The following LCAT variants were observed in gnomAD, a reference collection of about 807,000 sequenced individuals.
LCAT encodes the protein lecithin-cholesterol acyltransferase, also known as phosphatidylcholine-sterol acyltransferase.
In LCAT, 15 loss-of-function variants were observed where a neutral mutation model predicts 41.0. The observed-to-expected ratio is 0.37, with a 90% CI of 0.24 to 0.56. LCAT has a LOEUF of 0.56. LCAT is among the 20% of genes least tolerant of loss of function. LCAT has a pLI of 0.81. For synonymous variants in LCAT, 248 were observed against 245.4 expected (o/e 1.01, Z -0.10); for missense variants, 449 against 595.1 (o/e 0.75, Z 2.55).
rs1014967461 is a variant in LCAT, at chr16:67,943,196, C to G, written c.171G>C (p.Gly57=). 8 of 1,613,304 alleles carry G rather than the reference C, an allele frequency of 5.0e-6. No homozygotes were observed. The highest frequency in any genetic ancestry group is 6.8e-6 in the Non-Finnish European group (8 of 1,179,948). Reference sequence around the variant, plus strand: ...TGTCCAGCTTGGCTTCTAGCTGATTCCCCAGGCAGCCGGGCACTGTGAGCA... The same window carrying G: ...TGTCCAGCTTGGCTTCTAGCTGATTGCCCAGGCAGCCGGGCACTGTGAGCA... The part of the protein sequence containing the change: ...RPVILVPGCL[G]NQLEAKLDKP... Residue 57 remains glycine, a synonymous_variant, in exon 2 of 6, where the codon GGG becomes GGC. Coordinates refer to ENST00000264005, the MANE Select transcript of LCAT (RefSeq NM_000229.2). The surrounding 1 kb of genome is among the most constrained non-coding windows in gnomAD (Gnocchi z 4.6).
At chr16:67,941,658 TG>T (rs1373487686) in intron 5 of LCAT, 18 of 980,932 alleles carry the variant, frequency 1.8e-5, no homozygotes, top group Non-Finnish European at 2.1e-5. Context: ...AGGACCAGGG[TG>T]TGTGGGGATG....
At position 67,943,877 on chromosome 16, in the gene LCAT, A is replaced by C; in HGVS notation, c.154+71T>G. The C allele has an allele frequency of 7.1e-7, 1 of 1,413,642 alleles. No individual in the cohort carries two copies. Among genetic ancestry groups the C allele is most frequent in the Non-Finnish European group, 9.6e-7 (1 of 1,046,464 alleles). 87.6% of individuals were successfully genotyped at this position (1,413,642 alleles called of 1,614,324 possible). ...AGGGCAGAAGGGCTTTGGCCAGGTC[A>C]GCTGCCAGGGGCTGGGGCCCAGGCT... On this transcript the variant is annotated intron_variant, in intron 1 of 5. Coordinates refer to ENST00000264005, the MANE Select transcript of LCAT (RefSeq NM_000229.2). The surrounding 1 kb of genome is among the most constrained non-coding windows in gnomAD (Gnocchi z 4.6).
In LCAT at chr16:67,943,724, C is replaced by A. The variant is rs549941664; in HGVS notation, c.154+224G>T. ...AAGACCTCAGGCACACCCCGTCCCCCACTCCGCCCCCCCTGGGTTAGACAA... is the reference window on the plus strand; with the variant it reads ...AAGACCTCAGGCACACCCCGTCCCCAACTCCGCCCCCCCTGGGTTAGACAA... On this transcript the variant is annotated intron_variant, in intron 1 of 5. Transcript: ENST00000264005. This position sits in a 1 kb window ranked among gnomAD's most constrained non-coding sequence, Gnocchi z 4.6. 8.7e-6 allele frequency: 5 copies of A among 572,820 alleles called. No individual in the cohort carries two copies. In the Admixed American group the frequency reaches 1.3e-4, roughly 15 times the overall value. 35.5% of individuals were successfully genotyped at this position (572,820 alleles called of 1,614,324 possible).
In LCAT at chr16:67,943,362, C is replaced by T; in HGVS notation, c.155-150G>A. The stretch of plus-strand genomic sequence containing the variant: ...GCACACTTACCCTCCCCTGCTTACA[C>T]CCCCTCTCCCTGCTGTCCCCCCAGT... On this transcript the variant is annotated intron_variant, in intron 1 of 5. Coordinates refer to ENST00000264005, the MANE Select transcript of LCAT (RefSeq NM_000229.2). This position sits in a 1 kb window ranked among gnomAD's most constrained non-coding sequence, Gnocchi z 4.6. The T allele has an allele frequency of 1.4e-6, 1 of 725,266 alleles. No individual in the cohort carries two copies. The highest frequency in any genetic ancestry group is 2.1e-5 in the Admixed American group (1 of 48,594). The allele number at this position is 725,266 out of a possible 1,614,324, so 44.9% of individuals were successfully genotyped here.
Position 67,942,030 on chromosome 16 carries a change from G to C in LCAT, c.748+333C>G. On this transcript the variant is annotated intron_variant, in intron 5 of 5. Transcript: ENST00000264005. The surrounding 1 kb of genome is among the most constrained non-coding windows in gnomAD (Gnocchi z 6.6). ...CCATCCTCAGTGAAGCACATCCCTG[G>C]GCAAAGGCACTCCTGCGAGCAAGTG... The C allele has an allele frequency of 8.1e-7, 1 of 1,240,950 alleles. No individual in the cohort carries two copies. The allele number at this position is 1,240,950 out of a possible 1,614,324, so 76.9% of individuals were successfully genotyped here.
At chr16:67,941,072 G>A (rs1229531106) in intron 5 of LCAT, among the ~76,000 whole-genome samples, 1 of 152,188 alleles carries the variant, frequency 6.6e-6, no homozygotes, top group African/African-American at 2.4e-5. Flanking sequence ...GGGAGGCCGA[G>A]GCAGGCAGAT....
At chr16:67,940,710 A>T (rs1598202813) in intron 5 of LCAT, 2 of 673,396 alleles carry the variant, frequency 3.0e-6, no homozygotes, top group East Asian at 6.3e-5. Flanking sequence ...CTTCAAAAGG[A>T]TGGCAGGGAC....
Position 67,943,837 on chromosome 16 carries a change from T to C in LCAT, c.154+111A>G, listed in dbSNP as rs2058310341. ...CTCCCCACACCAGGGCAGGTACTTA[T>C]GTCGGGGCTTATGCAGGGCAGAAGG... On this transcript the variant is annotated intron_variant, in intron 1 of 5. Coordinates refer to ENST00000264005, the MANE Select transcript of LCAT (RefSeq NM_000229.2). This position sits in a 1 kb window ranked among gnomAD's most constrained non-coding sequence, Gnocchi z 4.6. The C allele has an allele frequency of 1.2e-5, 12 of 1,042,748 alleles. No homozygotes were observed. In the Middle Eastern group the frequency reaches 9.5e-4, roughly 83 times the overall value. 64.6% of individuals were successfully genotyped at this position (1,042,748 alleles called of 1,614,324 possible).
chr16:67,941,926 G>C (rs1191843588), intron 5 of LCAT: 1 of 1,160,562 alleles, frequency 8.6e-7, no homozygotes. Context: ...TGGTAGCTGT[G>C]TCAGTGCTGG....
At position 67,943,701 on chromosome 16, in the gene LCAT, G is replaced by C. The variant is rs1392748459; in HGVS notation, c.154+247C>G. 1.8e-6 allele frequency: 1 copy of C among 553,710 alleles called. No homozygotes were observed. Among genetic ancestry groups the C allele is most frequent in the African/African-American group, 1.9e-5 (1 of 53,130 alleles). 34.3% of individuals were successfully genotyped at this position (553,710 alleles called of 1,614,324 possible). The stretch of plus-strand genomic sequence containing the variant: ...CCACAGCTTGTGATGCCCCAGCCAA[G>C]ACCTCAGGCACACCCCGTCCCCCAC... On this transcript the variant is annotated intron_variant, in intron 1 of 5. Transcript: ENST00000264005. This position sits in a 1 kb window ranked among gnomAD's most constrained non-coding sequence, Gnocchi z 4.6.
At chr16:67,940,735 A>T (rs1297939323) in intron 5 of LCAT, 1 of 539,540 alleles carries the variant, frequency 1.9e-6, no homozygotes, top group African/African-American at 2.0e-5. Flanking sequence ...ACCATGGCTC[A>T]CCCCTGTAAT....
chr16:67,942,860 C>G lies in LCAT; in HGVS notation c.427+1G>C. ...CCCCAGCCCTGCCCTCTGACACAAA[C>G]CTGCCAGCTTGCTGCTGTCCAGGTA... On this transcript the variant is annotated splice_donor_variant, in intron 3 of 5. Coordinates refer to ENST00000264005, the MANE Select transcript of LCAT (RefSeq NM_000229.2). LOFTEE classifies it high-confidence loss of function. The surrounding 1 kb of genome is among the most constrained non-coding windows in gnomAD (Gnocchi z 6.6). The G allele has an allele frequency of 6.2e-7, 1 of 1,613,596 alleles. No homozygotes were observed. Among genetic ancestry groups the G allele is most frequent in the Non-Finnish European group, 8.5e-7 (1 of 1,179,960 alleles).
Position 67,939,937 on chromosome 16 carries a change from C to CG in LCAT, c.1289dup (p.Thr431AspfsTer10). On this transcript the variant is annotated frameshift_variant, in exon 6 of 6. Transcript: ENST00000264005. LOFTEE classifies it high-confidence loss of function. ...GAGGCGGGGGCTCTGGGCTGGCAGT[C>CG]GGGGATGCAGGGGGACCCTGGCGGT... The CG allele has an allele frequency of 6.2e-7, 1 of 1,613,366 alleles. No homozygotes were observed. The highest frequency in any genetic ancestry group is 8.5e-7 in the Non-Finnish European group (1 of 1,179,936).
At position 67,940,468 on chromosome 16, in the gene LCAT, C is replaced by T. The variant is rs773456584; in HGVS notation, c.759G>A (p.Gln253=). The T allele has an allele frequency of 3.1e-6, 5 of 1,613,920 alleles. No homozygotes were observed. Among genetic ancestry groups the T allele is most frequent in the South Asian group, 2.2e-5 (2 of 91,076 alleles). ...TGATGCTGGACATGATGGGGATGCC[C>T]TGGTTGTCACCTGTGGATATGGAGC... ...PMLVLASGDN[Q]GIPIMSSIKL... The change falls in exon 6 of 6, where the codon CAG becomes CAA. Residue 253 remains glutamine (Q), a synonymous_variant. Transcript: ENST00000264005.
chr16:67,943,951 G>C lies in LCAT; in HGVS notation c.151C>G (p.Leu51Val). ...CAGGGGCCTGGTGGGGGCTTACCGA[G>C]GATGACGGGCCGTGTGTGGTTACTG... The part of the protein sequence containing the change: ...ELSNHTRPVI[L>V]VPGCLGNQLE... The change falls in exon 1 of 6, where the codon CTC (leucine) becomes GTC (valine). Residue 51 changes from leucine (L) to valine (V), a missense_variant. Transcript: ENST00000264005. The surrounding 1 kb of genome is among the most constrained non-coding windows in gnomAD (Gnocchi z 4.6). The C allele has an allele frequency of 6.5e-7, 1 of 1,546,498 alleles. No homozygotes were observed. The highest frequency in any genetic ancestry group is 8.7e-7 in the Non-Finnish European group (1 of 1,144,444).
chr16:67,941,706 C>T (rs894068394), intron 5 of LCAT: 4 of 995,688 alleles, frequency 4.0e-6, no homozygotes, highest in South Asian at 4.4e-5. Context: ...ATGGTGGGGG[C>T]GGTGCTGGCT....
chr16:67,942,731 T>C lies in LCAT; in HGVS notation c.463A>G (p.Asn155Asp), dbSNP rs121908057. The change falls in exon 4 of 6, where the codon AAT becomes GAT. Residue 155 changes from asparagine (N) to aspartate (D), a missense_variant. Coordinates refer to ENST00000264005, the MANE Select transcript of LCAT (RefSeq NM_000229.2). The surrounding 1 kb of genome is among the most constrained non-coding windows in gnomAD (Gnocchi z 6.6). ...LHTLVQNLVN[N>D]GYVRDETVRA... ...ACAGTCTCGTCCCGCACGTAGCCAT[T>C]GTTGACCAGGTTCTGCACCAGTGTG... The C allele has an allele frequency of 6.2e-7, 1 of 1,612,876 alleles. No homozygotes were observed. The highest frequency in any genetic ancestry group is 8.5e-7 in the Non-Finnish European group (1 of 1,179,934).
chr16:67,940,720 C>A, intron 5 of LCAT: 1 of 614,660 alleles, frequency 1.6e-6, no homozygotes, highest in Non-Finnish European at 2.7e-6. Flanking sequence ...ATGGCAGGGA[C>A]AGGCACCATG....
Position 67,943,931 on chromosome 16 carries a change from G to T in LCAT, c.154+17C>A. ...CAGGGTCTGGCGTGGTGCATCAGGG[G>T]CCTGGTGGGGGCTTACCGAGGATGA... is the stretch of plus-strand genomic sequence containing the variant. On this transcript the variant is annotated intron_variant, in intron 1 of 5. Coordinates refer to ENST00000264005, the MANE Select transcript of LCAT (RefSeq NM_000229.2). This position sits in a 1 kb window ranked among gnomAD's most constrained non-coding sequence, Gnocchi z 4.6. 1.3e-6 allele frequency: 2 copies of T among 1,540,262 alleles called. No homozygotes were observed. The highest frequency in any genetic ancestry group is 1.8e-6 in the Non-Finnish European group (2 of 1,140,746).
Sources: gnomAD v4.1 joint callset for allele counts (sites outside exome capture counted in the v4.1 genomes callset) on GRCh38, gnomAD v4.1.1 for gene constraint, Gnocchi (gnomAD v3.1) non-coding constraint, MANE v1.5 for transcripts, NCBI Gene and HGNC (gene_info 2026-07-23, HGNC 2026-07-21) for gene names.